DPF3: variants seen among roughly 807,000 people sequenced by gnomAD.
DPF3 encodes the protein double PHD fingers 3, also known as zinc finger protein DPF3.
A neutral mutation model predicts 56.8 loss-of-function variants in DPF3; 18 were observed. The observed-to-expected ratio is 0.32, with a 90% CI of 0.22 to 0.47. DPF3 has a LOEUF of 0.47. Ranked by LOEUF, DPF3 falls within the 20% of genes least tolerant of loss-of-function variation. The probability of loss-of-function intolerance (pLI) is 1.00; values close to 1 mark genes in which losing one functional copy is unlikely to be tolerated. For synonymous variants in DPF3, 188 were observed against 180.2 expected, an observed-to-expected ratio of 1.04 and a Z score of -0.35; for missense variants, 403 against 488.8, an observed-to-expected ratio of 0.82 and a Z score of 1.65.
At chr14:72,795,436 T>C (rs1333418460) in intron 1 of DPF3, among the ~76,000 whole-genome samples, 2 of 151,892 alleles carry the variant, frequency 1.3e-5, no homozygotes, top group Admixed American at 1.3e-4. Flanking sequence ...CTGTGTGAAC[T>C]TCCATTTTCC....
chr14:72,789,218 G>C (rs1892330533), intron 1 of DPF3, among the ~76,000 whole-genome samples: 1 of 152,068 alleles, frequency 6.6e-6, no homozygotes, highest in Admixed American at 6.5e-5. Flanking sequence ...CAGTGGGCGG[G>C]ACAGTGCCCT....
chr14:72,667,841 T>C (rs567141394), intron 8 of DPF3, among the ~76,000 whole-genome samples: 2 of 152,332 alleles, frequency 1.3e-5, no homozygotes, highest in South Asian at 4.1e-4. Context: ...AAAGTATGTA[T>C]ACATGCATGC....
At chr14:72,668,378 C>A (rs1387316763) in intron 8 of DPF3, among the ~76,000 whole-genome samples, 3 of 151,958 alleles carry the variant, frequency 2.0e-5, no homozygotes, top group African/African-American at 7.2e-5. Context: ...AATCTTGAGT[C>A]CGTTCAAAGA....
At chr14:72,762,407 A>G (rs973862599) in intron 2 of DPF3, among the ~76,000 whole-genome samples, 1 of 151,910 alleles carries the variant, frequency 6.6e-6, no homozygotes, top group African/African-American at 2.4e-5. Context: ...AATGTAACTC[A>G]TTATGTTAAA....
At chr14:72,631,299 A>T (rs1047409630) in intron 8 of DPF3, among the ~76,000 whole-genome samples, 1 of 152,196 alleles carries the variant, frequency 6.6e-6, no homozygotes, top group Non-Finnish European at 1.5e-5. Flanking sequence ...TCTCAAGGTG[A>T]TACCATCACA....
intron 1 of DPF3, among the ~76,000 whole-genome samples, chr14:72,861,840 TCTTA>T (rs1179210318): frequency 6.6e-6 from 1 of 151,886 alleles, no homozygotes; most frequent in East Asian, 1.9e-4. Flanking sequence ...TTTCAATTTT[TCTTA>T]CTTTATCACA....
At chr14:72,788,225 C>T (rs955768522) in intron 1 of DPF3, among the ~76,000 whole-genome samples, 2 of 152,146 alleles carry the variant, frequency 1.3e-5, no homozygotes, top group African/African-American at 2.4e-5. Context: ...AGCTGCATCT[C>T]GACCACCAAT....
intron 7 of DPF3, among the ~76,000 whole-genome samples, chr14:72,692,017 AC>A (rs1194560921): frequency 6.6e-6 from 1 of 152,142 alleles, no homozygotes; most frequent in African/African-American, 2.4e-5. Context: ...GTTAAGGGAG[AC>A]CCCACACTAA....
chr14:72,752,744 G>A (rs17120272), intron 3 of DPF3, among the ~76,000 whole-genome samples: 7,969 of 152,226 alleles, frequency 0.052, 668 homozygotes, highest in African/African-American at 0.18. Context: ...TGCATCACAC[G>A]GGTAAATTGT....
At chr14:72,706,253 G>A (rs952013773) in intron 6 of DPF3, among the ~76,000 whole-genome samples, 4 of 152,068 alleles carry the variant, frequency 2.6e-5, no homozygotes, top group East Asian at 1.9e-4. Context: ...CCATCCATGC[G>A]CCCTAAGGGC....
intron 9 of DPF3, 82 bp downstream of exon 9, chr14:72,629,542 A>C: frequency 7.5e-7 from 1 of 1,338,214 alleles, no homozygotes; most frequent in East Asian, 2.5e-5. Flanking sequence ...CCTAGTGACA[A>C]GAGTCCTTCC....
At chr14:72,664,795 A>C (rs1298440245) in intron 8 of DPF3, among the ~76,000 whole-genome samples, 2 of 152,230 alleles carry the variant, frequency 1.3e-5, no homozygotes, top group Non-Finnish European at 2.9e-5. Flanking sequence ...TCAACAAATA[A>C]TTATGGCACA....
At chr14:72,799,640 T>TATATAC (rs60740868) in intron 1 of DPF3, among the ~76,000 whole-genome samples, 3 of 102,136 alleles carry the variant, frequency 2.9e-5, no homozygotes, top group Non-Finnish European at 6.4e-5. Flanking sequence ...ATCATATATG[T>TATATAC]ATATATATAT....
At chr14:72,648,327 C>T (rs1476352880) in intron 8 of DPF3, among the ~76,000 whole-genome samples, 3 of 152,220 alleles carry the variant, frequency 2.0e-5, no homozygotes, top group Admixed American at 1.3e-4. Context: ...TTTGAGAGGT[C>T]GAGGCAGGCA....
intron 1 of DPF3, among the ~76,000 whole-genome samples, chr14:72,883,968 C>T (rs778078487): frequency 6.6e-6 from 1 of 151,808 alleles, no homozygotes; most frequent in African/African-American, 2.4e-5. Context: ...TCCATTCTTG[C>T]CACTGACCTC....
chr14:72,855,066 C>T (rs1305635844), intron 1 of DPF3, among the ~76,000 whole-genome samples: 1 of 152,124 alleles, frequency 6.6e-6, no homozygotes, highest in Non-Finnish European at 1.5e-5. Context: ...AAGAATGAGA[C>T]TTTGATATGG....
At chr14:72,824,551 C>CTTTTTTTTTTTTTTTTTTTTTTTTTT (rs375498304) in intron 1 of DPF3, among the ~76,000 whole-genome samples, 2 of 143,256 alleles carry the variant, frequency 1.4e-5, no homozygotes, top group Admixed American at 7.1e-5. Flanking sequence ...TTTTCTTTTT[C>CTTTTTTTTTTTTTTTTTTTTTTTTTT]TTTTTTTTTT....
At position 72,842,391 on chromosome 14, in the gene DPF3, T is replaced by C. The variant is rs1478296232; in HGVS notation, c.32+51666A>G. 2.0e-5 allele frequency among the ~76,000 whole-genome samples: 3 copies of C among 152,176 alleles called. No homozygotes were observed. In the East Asian group the frequency reaches 5.8e-4, roughly 29 times the overall value. ...TGAATTTACATAACAGAGCACTATA[T>C]AGCGATGAGAATGAATGATCTACAA... On this transcript the variant is annotated intron_variant, in intron 1 of 10. Transcript: ENST00000556509.
chr14:72,723,233 G>A (rs1468849569), intron 5 of DPF3, among the ~76,000 whole-genome samples: 1 of 147,612 alleles, frequency 6.8e-6, no homozygotes, highest in Non-Finnish European at 1.5e-5. Context: ...TCCCCTTCCT[G>A]TGACCATGTA....
Sources: gnomAD v4.1 joint callset for allele counts (sites outside exome capture counted in the v4.1 genomes callset) on GRCh38, gnomAD v4.1.1 for gene constraint, MANE v1.5 for transcripts, NCBI Gene and HGNC (gene_info 2026-07-23, HGNC 2026-07-21) for gene names.